Variants in PTPRD observed in about 807,000 individuals in gnomAD.
PTPRD encodes the protein receptor-type tyrosine-protein phosphatase delta.
PTPRD carries 34 observed loss-of-function variants against 214.5 expected under a neutral mutation model. The ratio of observed to expected loss-of-function variants is 0.16; its 90% CI spans 0.12 to 0.21. The LOEUF (loss-of-function observed/expected upper bound fraction) is 0.21. Ranked by LOEUF, PTPRD falls within the 10% of genes least tolerant of loss-of-function variation. PTPRD has a pLI of 1.00. For missense variants in PTPRD, 2,545 were observed against 2,398.7 expected, an observed-to-expected ratio of 1.06 and a Z score of -1.27; for synonymous variants, 1,128 against 845.7, an observed-to-expected ratio of 1.33 and a Z score of -5.79.
chr9:9,131,951 A>C (rs1248938186), intron 10 of PTPRD, among the ~76,000 whole-genome samples: 1 of 151,886 alleles, frequency 6.6e-6, no homozygotes, highest in Non-Finnish European at 1.5e-5. Context: ...CTTTCATTTG[A>C]GGGGGAATTG....
At chr9:8,346,868 G>A (rs1177956543) in intron 39 of PTPRD, among the ~76,000 whole-genome samples, 1 of 152,152 alleles carries the variant, frequency 6.6e-6, no homozygotes, top group Admixed American at 6.6e-5. Flanking sequence ...ATGTACAATT[G>A]TGAAGAAGGA....
chr9:8,418,472 T>C (rs2094116048), intron 35 of PTPRD, among the ~76,000 whole-genome samples: 1 of 152,102 alleles, frequency 6.6e-6, no homozygotes, highest in Non-Finnish European at 1.5e-5. Flanking sequence ...TTTCCCCAAC[T>C]CTATAGTAAG....
intron 3 of PTPRD, among the ~76,000 whole-genome samples, chr9:10,262,123 G>C (rs538829773): frequency 6.6e-6 from 1 of 151,752 alleles, no homozygotes; most frequent in African/African-American, 2.4e-5. Flanking sequence ...GAAGCTGTAA[G>C]GATTAAGACT....
intron 11 of PTPRD, among the ~76,000 whole-genome samples, chr9:8,996,759 G>A (rs2099398404): frequency 6.6e-6 from 1 of 151,956 alleles, no homozygotes; most frequent in African/African-American, 2.4e-5. Flanking sequence ...AACAGGCTGA[G>A]CCTCATGGCC....
At chr9:10,310,821 C>T (rs754526158) in intron 3 of PTPRD, among the ~76,000 whole-genome samples, 34 of 152,020 alleles carry the variant, frequency 2.2e-4, no homozygotes, top group Non-Finnish European at 4.4e-4. Context: ...AGTTGTTAAA[C>T]GCAAAAGGCT....
chr9:10,102,954 C>A (rs2098573523), intron 3 of PTPRD, among the ~76,000 whole-genome samples: 1 of 151,556 alleles, frequency 6.6e-6, no homozygotes, highest in Admixed American at 6.6e-5. Context: ...TCATTCATTC[C>A]TTCAATATCT....
At chr9:10,012,416 T>C (rs1275190653) in intron 4 of PTPRD, among the ~76,000 whole-genome samples, 1 of 151,900 alleles carries the variant, frequency 6.6e-6, no homozygotes, top group Non-Finnish European at 1.5e-5. Flanking sequence ...AGTTGCAACT[T>C]TTCACTTATG....
chr9:10,571,120 A>T (rs528146445), intron 2 of PTPRD, among the ~76,000 whole-genome samples: 1 of 152,292 alleles, frequency 6.6e-6, no homozygotes, highest in South Asian at 2.1e-4. Context: ...GACATGCAGC[A>T]TATTTTGTTT....
At chr9:10,059,846 T>A (rs571150383) in intron 3 of PTPRD, among the ~76,000 whole-genome samples, 1 of 151,780 alleles carries the variant, frequency 6.6e-6, no homozygotes, top group South Asian at 2.1e-4. Context: ...AAGGTTACTT[T>A]GGAAAATTCA....
At chr9:9,058,256 T>C (rs573438454) in intron 10 of PTPRD, among the ~76,000 whole-genome samples, 1 of 152,088 alleles carries the variant, frequency 6.6e-6, no homozygotes, top group Admixed American at 6.5e-5. Flanking sequence ...GAGAAGTAAG[T>C]TGGAATAAAG....
intron 11 of PTPRD, among the ~76,000 whole-genome samples, chr9:8,781,206 C>T (rs1056412281): frequency 7.2e-5 from 11 of 152,098 alleles, no homozygotes; most frequent in East Asian, 1.9e-4. Flanking sequence ...AATTTATCAT[C>T]GGCAGGGGGC....
At chr9:8,748,128 G>A (rs2093049928) in intron 11 of PTPRD, among the ~76,000 whole-genome samples, 1 of 152,140 alleles carries the variant, frequency 6.6e-6, no homozygotes, top group African/African-American at 2.4e-5. Flanking sequence ...AATTCAGCAG[G>A]AAGCAGTTAG....
intron 14 of PTPRD, among the ~76,000 whole-genome samples, chr9:8,620,997 C>T (rs1042589423): frequency 2.6e-5 from 4 of 151,996 alleles, no homozygotes; most frequent in South Asian, 4.1e-4. Context: ...TAAAGGACTA[C>T]TTTATGAAAA....
chr9:8,534,497 C>G (rs2076447733), intron 14 of PTPRD, among the ~76,000 whole-genome samples: 1 of 151,796 alleles, frequency 6.6e-6, no homozygotes, highest in Non-Finnish European at 1.5e-5. Flanking sequence ...TATACTCTCA[C>G]AGAACAAGAG....
At chr9:8,960,632 G>C (rs1165785196) in intron 11 of PTPRD, among the ~76,000 whole-genome samples, 1 of 152,112 alleles carries the variant, frequency 6.6e-6, no homozygotes, top group Non-Finnish European at 1.5e-5. Context: ...TTAAAGATCT[G>C]TTAGTCCTGA....
chr9:9,867,999 C>T (rs1218960867), intron 5 of PTPRD, among the ~76,000 whole-genome samples: 1 of 152,116 alleles, frequency 6.6e-6, no homozygotes, highest in Non-Finnish European at 1.5e-5. Context: ...TTCCTTTCCC[C>T]TCACAAGGTC....
At chr9:8,857,338 G>A (rs1408333977) in intron 11 of PTPRD, among the ~76,000 whole-genome samples, 2 of 152,196 alleles carry the variant, frequency 1.3e-5, no homozygotes, top group Non-Finnish European at 2.9e-5. Context: ...CCCACCCTAG[G>A]AGGAGAGAGC....
At chr9:10,057,859 A>C (rs1413310547) in intron 3 of PTPRD, among the ~76,000 whole-genome samples, 2 of 141,774 alleles carry the variant, frequency 1.4e-5, no homozygotes, top group Non-Finnish European at 1.5e-5. Flanking sequence ...AACAAAAAAA[A>C]AACAAAAAAA....
intron 12 of PTPRD, among the ~76,000 whole-genome samples, chr9:8,679,025 T>G (rs1311908206): frequency 6.6e-6 from 1 of 152,222 alleles, no homozygotes; most frequent in Non-Finnish European, 1.5e-5. Context: ...ATTTCTGAGT[T>G]AAACAGATGA....
Sources: allele counts gnomAD v4.1 joint callset (sites outside exome capture counted in the v4.1 genomes callset), GRCh38; gene constraint gnomAD v4.1.1; transcripts MANE v1.5; gene names NCBI Gene and HGNC (gene_info 2026-07-23, HGNC 2026-07-21).